ZNF442: variants seen among roughly 807,000 people sequenced by gnomAD.
The protein encoded by ZNF442 is zinc finger protein 442.
Under a neutral mutation model 57.0 loss-of-function variants are expected in ZNF442, and 45 were observed. That is an observed-to-expected ratio of 0.79 (90% CI 0.62 to 1.01). The LOEUF (loss-of-function observed/expected upper bound fraction) is 1.01. Ranked by LOEUF, ZNF442 falls within the 50% of genes least tolerant of loss-of-function variation. ZNF442 has a pLI of 0.00. For synonymous variants in ZNF442, 213 were observed against 241.8 expected (o/e 0.88, Z 1.10); for missense variants, 690 against 756.5 (o/e 0.91, Z 1.03).
intron 3 of ZNF442, among the ~76,000 whole-genome samples, chr19:12,362,162 C>T (rs142878062): frequency 0.047 from 7,094 of 152,192 alleles, 551 homozygotes; most frequent in African/African-American, 0.16. Context: ...AAGCGAGGAG[C>T]ATCTCTGCCT....
chr19:12,356,356 G>A (rs1410557242), intron 3 of ZNF442, among the ~76,000 whole-genome samples: 6 of 152,048 alleles, frequency 3.9e-5, no homozygotes, highest in Admixed American at 1.3e-4. Flanking sequence ...GGCCAGGCGC[G>A]GTGGCTCACC....
chr19:12,357,810 G>C (rs1223689147), intron 3 of ZNF442, among the ~76,000 whole-genome samples: 1 of 152,042 alleles, frequency 6.6e-6, no homozygotes, highest in Non-Finnish European at 1.5e-5. Context: ...AGAGCCTTCG[G>C]TGCATCCATC....
At chr19:12,361,715 G>GTCTCCC (rs144978244) in intron 3 of ZNF442, among the ~76,000 whole-genome samples, 1,468 of 130,706 alleles carry the variant, frequency 0.011, 34 homozygotes, top group African/African-American at 0.041. Flanking sequence ...TGTCCCCACG[G>GTCTCCC]TCTCCCTCTC....
Position 12,350,037 on chromosome 19 carries a change from A to C in ZNF442, c.1548T>G (p.Tyr516Ter). 6.2e-7 allele frequency: 1 copy of C among 1,614,016 alleles called. No individual in the cohort carries two copies. The highest frequency in any genetic ancestry group is 8.5e-7 in the Non-Finnish European group (1 of 1,180,010). Residue 516 changes from tyrosine (Y) to a stop codon, truncating the protein, a stop_gained, in exon 6 of 6, where the codon TAT becomes TAG. Coordinates refer to ENST00000242804, the MANE Select transcript of ZNF442 (RefSeq NM_030824.3). LOFTEE classifies it high-confidence loss of function. Reference protein sequence around the residue: ...HRRTHMAEKPYECKTCKKAFS... With the variant: ...HRRTHMAEKP Reference sequence around the variant, plus strand: ...AGGCTTTCTTACATGTTTTACATTCATAAGGTTTTTCAGCCATGTGAGTCC... The same window carrying C: ...AGGCTTTCTTACATGTTTTACATTCCTAAGGTTTTTCAGCCATGTGAGTCC...
intron 3 of ZNF442, among the ~76,000 whole-genome samples, chr19:12,357,523 G>C: frequency 6.6e-6 from 1 of 151,380 alleles, no homozygotes. Flanking sequence ...AGCTAATTTT[G>C]TGTATTTTTA....
chr19:12,364,307 T>G (rs1599595350), intron 2 of ZNF442, among the ~76,000 whole-genome samples: 2 of 147,960 alleles, frequency 1.4e-5, no homozygotes, highest in African/African-American at 2.5e-5. Flanking sequence ...CTCGGGAGGG[T>G]GAGACAGGAG....
chr19:12,352,287 G>A (rs370639196), intron 4 of ZNF442, among the ~76,000 whole-genome samples: 5 of 151,918 alleles, frequency 3.3e-5, no homozygotes, highest in Non-Finnish European at 4.4e-5. Context: ...GTGCAATCTC[G>A]GCTCACTGCA....
chr19:12,350,111 C>G lies in ZNF442; in HGVS notation c.1474G>C (p.Glu492Gln). 1.2e-6 allele frequency: 2 copies of G among 1,613,946 alleles called. No homozygotes were observed. Among genetic ancestry groups the G allele is most frequent in the Non-Finnish European group, 1.7e-6 (2 of 1,179,946 alleles). Residue 492 changes from glutamate (E) to glutamine (Q), a missense_variant, in exon 6 of 6, where the codon GAA (glutamate) becomes CAA (glutamine). Transcript: ENST00000242804. ...HTGEKPYECK[E>Q]CGKAFSCFTY... The stretch of plus-strand genomic sequence containing the variant: ...AAACAACTGAATGCTTTCCCACATT[C>G]CTTACACTCATATGGCTTCTCTCCA...
At chr19:12,358,130 T>C (rs1864829694) in intron 3 of ZNF442, among the ~76,000 whole-genome samples, 1 of 150,978 alleles carries the variant, frequency 6.6e-6, no homozygotes, top group African/African-American at 2.4e-5. Context: ...CCTGGCTAAA[T>C]TTTTTTGCAT....
upstream of ZNF442, among the ~76,000 whole-genome samples, chr19:12,368,862 G>A (rs995452896): frequency 2.6e-5 from 4 of 152,110 alleles, no homozygotes; most frequent in African/African-American, 9.7e-5. Flanking sequence ...ACCTGGTGAT[G>A]GGGCAGAGGC....
chr19:12,360,260 T>C (rs1029338597), intron 3 of ZNF442, among the ~76,000 whole-genome samples: 1 of 152,238 alleles, frequency 6.6e-6, no homozygotes, highest in Non-Finnish European at 1.5e-5. Flanking sequence ...TTTATTTTAA[T>C]TGAGAATGTC....
upstream of ZNF442, among the ~76,000 whole-genome samples, chr19:12,368,923 G>A (rs1021866801): frequency 1.3e-5 from 2 of 152,190 alleles, no homozygotes; most frequent in South Asian, 2.1e-4. Flanking sequence ...TGTGTCCTCT[G>A]CGCAGTGTGA....
chr19:12,349,483 A>C lies in ZNF442; in HGVS notation c.*218T>G. The C allele has an allele frequency of 2.2e-6, 1 of 456,068 alleles. No individual in the cohort carries two copies. Among genetic ancestry groups the C allele is most frequent in the East Asian group, 3.5e-5 (1 of 28,364 alleles). 28.3% of individuals were successfully genotyped at this position (456,068 alleles called of 1,614,324 possible). A position where few individuals can be genotyped will look rare whatever the true frequency, so the allele number is the denominator to read the frequency against. ...GGATGCAGGAGGATGTGGATAGGTT[A>C]CATGCAAATGTCCTTTTATAAAAGG... On this transcript the variant is annotated 3_prime_UTR_variant, in exon 6 of 6. Transcript: ENST00000242804.
rs1290459483 is a variant in ZNF442, at chr19:12,347,182, A to G, written c.*2519T>C. 2 of 152,182 alleles carry G rather than the reference A, an allele frequency of 1.3e-5. No individual in the cohort carries two copies. Among genetic ancestry groups the G allele is most frequent in the African/African-American group, 2.4e-5 (1 of 41,454 alleles). 9.4% of individuals were successfully genotyped at this position (152,182 alleles called of 1,614,324 possible). On this transcript the variant is annotated 3_prime_UTR_variant, in exon 6 of 6. Coordinates refer to ENST00000242804, the MANE Select transcript of ZNF442 (RefSeq NM_030824.3). Reference sequence around the variant, plus strand: ...ACAAGTTATTCTCATGAATACTTCAATGAAACAGCTCTTATCAAGGCCCCC... The same window carrying G: ...ACAAGTTATTCTCATGAATACTTCAGTGAAACAGCTCTTATCAAGGCCCCC...
upstream of ZNF442, among the ~76,000 whole-genome samples, chr19:12,366,619 A>C (rs1388778702): frequency 6.6e-6 from 1 of 151,888 alleles, no homozygotes; most frequent in Non-Finnish European, 1.5e-5. Context: ...GCCATGCCTT[A>C]TGCACATTTA....
chr19:12,359,652 G>T (rs1371962079), intron 3 of ZNF442, among the ~76,000 whole-genome samples: 1 of 152,056 alleles, frequency 6.6e-6, no homozygotes, highest in Non-Finnish European at 1.5e-5. Context: ...CTTAAGAACA[G>T]ACTTAGGTTA....
the ZNF442 span, chr19:12,373,532 A>G: frequency 1.9e-5 from 3 of 154,488 alleles, no homozygotes; most frequent in South Asian, 5.6e-4. Flanking sequence ...ACAAAGTAAG[A>G]CTCTGTCTTT....
chr19:12,365,970 A>G (rs1223855700), upstream of ZNF442: 1 of 152,344 alleles, frequency 6.6e-6, no homozygotes, highest in Non-Finnish European at 1.5e-5. Context: ...ACGGGGACCC[A>G]CAAGTGTGTG....
chr19:12,372,658 T>C, the ZNF442 span, among the ~76,000 whole-genome samples: 263 of 152,336 alleles, frequency 1.7e-3, no homozygotes, highest in Non-Finnish European at 3.3e-3. Context: ...TAGGAATCCA[T>C]AGTCCAGATC....
Sources: gnomAD v4.1 joint callset for allele counts (sites outside exome capture counted in the v4.1 genomes callset) on GRCh38, gnomAD v4.1.1 for gene constraint, MANE v1.5 for transcripts, NCBI Gene and HGNC (gene_info 2026-07-23, HGNC 2026-07-21) for gene names.